The following ACOXL variants were observed in gnomAD, a reference collection of about 807,000 sequenced individuals.
ACOXL encodes acyl-CoA oxidase like.
Under a neutral mutation model 71.9 loss-of-function variants are expected in ACOXL, and 70 were observed. That is an observed-to-expected ratio of 0.97 (90% CI 0.80 to 1.19). The LOEUF (loss-of-function observed/expected upper bound fraction) is 1.19. ACOXL is among the 50% of genes most tolerant of loss of function. ACOXL has a pLI of 0.00. For synonymous variants in ACOXL, 253 were observed against 281.6 expected (o/e 0.90, Z 1.02); for missense variants, 703 against 736.3 (o/e 0.95, Z 0.52).
In ACOXL at chr2:110,942,971, AAAG is replaced by A. The variant is rs1346727646; in HGVS notation, c.1059+9334_1059+9336del. ...AAGAAAGAAGAAAGAAAAGAAAAAA[AAAG>A]AAGAGTGGGAGGGAGGGAGGGAGGA... On this transcript the variant is annotated intron_variant, in intron 12 of 17. Transcript: ENST00000439055. Among the ~76,000 whole-genome samples the A allele has an allele frequency of 1.1e-4, 16 of 149,864 alleles. No individual in the cohort carries two copies. In the East Asian group the frequency reaches 2.4e-3, roughly 22 times the overall value.
chr2:111,026,618 T>C (rs923115186), intron 14 of ACOXL, among the ~76,000 whole-genome samples: 2 of 152,018 alleles, frequency 1.3e-5, no homozygotes, highest in African/African-American at 2.4e-5. Context: ...TTCCAGTTCA[T>C]TGCTAGAATA....
At chr2:111,029,071 CT>C (rs2065146196) in intron 14 of ACOXL, among the ~76,000 whole-genome samples, 1 of 152,206 alleles carries the variant, frequency 6.6e-6, no homozygotes, top group African/African-American at 2.4e-5. Flanking sequence ...ATAAAATCTA[CT>C]TCCAGAGCTT....
At chr2:110,915,336 TTA>T (rs60017192) in intron 11 of ACOXL, among the ~76,000 whole-genome samples, 23,551 of 130,424 alleles carry the variant, frequency 0.18, 2,205 homozygotes, top group South Asian at 0.26. Context: ...TATATGCATT[TTA>T]TATATATATA....
chr2:110,822,476 T>C (rs1002172590), intron 9 of ACOXL, among the ~76,000 whole-genome samples: 9 of 152,198 alleles, frequency 5.9e-5, no homozygotes, highest in Non-Finnish European at 1.0e-4. Flanking sequence ...CTTTATCATC[T>C]AGAGTACAGT....
rs1011577496 is a variant in ACOXL at position 111,117,767 on chromosome 2, C to T, written c.1694C>T (p.Pro565Leu). 2 of 1,551,390 alleles carry T rather than the reference C, an allele frequency of 1.3e-6. No individual in the cohort carries two copies. The highest frequency in any genetic ancestry group is 2.0e-5 in the Admixed American group (1 of 51,010). Residue 565 changes from proline to leucine, a missense_variant, in exon 18 of 18, where the codon CCA (proline) becomes CTA (leucine). By Grantham distance (98) the Pro-to-Leu change is moderately conservative (BLOSUM62 -3). Coordinates refer to ENST00000439055, the MANE Select transcript of ACOXL (RefSeq NM_001142807.4). The stretch of plus-strand genomic sequence containing the variant: ...TACCCTGCACCGCTGCAGCCGCGGC[C>T]ACGGGAAGAGGCGCGCTCCCGGCGG... ...AFYPAPLQPR[P>L]REEARSRRPK...
chr2:110,946,749 C>T (rs2061124636), intron 12 of ACOXL, among the ~76,000 whole-genome samples: 1 of 152,096 alleles, frequency 6.6e-6, no homozygotes, highest in South Asian at 2.1e-4. Flanking sequence ...GCTGAGCTGC[C>T]CCGTGGTTAG....
intron 4 of ACOXL, 26 bp downstream of exon 4, chr2:110,793,762 C>T (rs759178739): frequency 1.9e-6 from 3 of 1,578,002 alleles, no homozygotes; most frequent in Non-Finnish European, 2.6e-6. Context: ...CAACATTGGT[C>T]TTCTATGGAG....
At chr2:111,037,259 T>G (rs1377950550) in intron 15 of ACOXL, among the ~76,000 whole-genome samples, 1 of 152,182 alleles carries the variant, frequency 6.6e-6, no homozygotes, top group African/African-American at 2.4e-5. Context: ...GAAGAAGTGC[T>G]GTCACACCCC....
chr2:111,090,359 CAAAAG>C (rs1240920345), intron 16 of ACOXL, among the ~76,000 whole-genome samples: 2 of 152,174 alleles, frequency 1.3e-5, no homozygotes, highest in Non-Finnish European at 2.9e-5. Context: ...CTCTGGAACA[CAAAAG>C]AAAGACATTT....
intron 17 of ACOXL, among the ~76,000 whole-genome samples, chr2:111,111,978 T>C (rs2070000421): frequency 6.6e-6 from 1 of 152,134 alleles, no homozygotes; most frequent in African/African-American, 2.4e-5. Context: ...TTGAAGAAAA[T>C]TGCAGTAGAA....
At chr2:111,003,483 G>A (rs959817789) in intron 14 of ACOXL, among the ~76,000 whole-genome samples, 28 of 142,468 alleles carry the variant, frequency 2.0e-4, no homozygotes, top group African/African-American at 3.9e-4. Flanking sequence ...CCCAGGAGGC[G>A]GAGGTTGCAG....
chr2:110,963,696 G>T, intron 12 of ACOXL: 1 of 1,613,564 alleles, frequency 6.2e-7, no homozygotes, highest in Non-Finnish European at 8.5e-7. Flanking sequence ...TGAAGGTGAC[G>T]ATGTTGTTAT....
intron 17 of ACOXL, chr2:111,099,902 TAAAGC>T (rs1250939523): frequency 2.6e-5 from 4 of 152,338 alleles, no homozygotes; most frequent in Non-Finnish European, 4.4e-5. Flanking sequence ...TTTTAAAAAA[TAAAGC>T]AAAGATCTCA....
At chr2:110,809,993 G>A (rs1359493106) in intron 9 of ACOXL, among the ~76,000 whole-genome samples, 3 of 152,162 alleles carry the variant, frequency 2.0e-5, no homozygotes, top group African/African-American at 7.2e-5. Flanking sequence ...CCTCACCAGG[G>A]TGTCTGGCTC....
At chr2:111,077,671 T>G (rs963593597) in intron 16 of ACOXL, among the ~76,000 whole-genome samples, 3 of 152,234 alleles carry the variant, frequency 2.0e-5, no homozygotes, top group African/African-American at 7.2e-5. Flanking sequence ...CTCATCCTAA[T>G]TTCTGAACGA....
chr2:110,847,134 G>A (rs946282155), intron 10 of ACOXL, among the ~76,000 whole-genome samples: 2 of 151,854 alleles, frequency 1.3e-5, no homozygotes, highest in South Asian at 2.1e-4. Context: ...AACAGCTCTC[G>A]GGGCCCCATC....
intron 14 of ACOXL, among the ~76,000 whole-genome samples, chr2:111,010,954 A>G (rs2149668281): frequency 6.6e-6 from 1 of 152,332 alleles, no homozygotes; most frequent in East Asian, 1.9e-4. Flanking sequence ...CTTTAAGCTA[A>G]ACAAAATGAA....
intron 16 of ACOXL, among the ~76,000 whole-genome samples, chr2:111,058,878 G>A (rs1000174686): frequency 6.6e-6 from 1 of 152,148 alleles, no homozygotes. Context: ...TCCTCTTCTT[G>A]GGTCTCCTGA....
intron 10 of ACOXL, among the ~76,000 whole-genome samples, chr2:110,857,396 A>G (rs1332603501): frequency 6.6e-6 from 1 of 152,222 alleles, no homozygotes; most frequent in Non-Finnish European, 1.5e-5. Flanking sequence ...ATCAAAGGCA[A>G]GAAGCATTGG....
Sources: allele counts gnomAD v4.1 joint callset (sites outside exome capture counted in the v4.1 genomes callset), GRCh38; gene constraint gnomAD v4.1.1; transcripts MANE v1.5; gene names NCBI Gene and HGNC (gene_info 2026-07-23, HGNC 2026-07-21).